GLT1D1: variants seen among roughly 807,000 people sequenced by gnomAD.
GLT1D1 encodes the protein glycosyltransferase 1 domain containing 1, also known as glycosyltransferase 1 domain-containing protein 1.
A neutral mutation model predicts 28.7 loss-of-function variants in GLT1D1; 21 were observed. The ratio of observed to expected loss-of-function variants is 0.73; its 90% confidence interval spans 0.52 to 1.05. The LOEUF (loss-of-function observed/expected upper bound fraction) is 1.05, where lower values mean the gene tolerates loss of function less well. Ranked by LOEUF, GLT1D1 falls within the 50% of genes least tolerant of loss-of-function variation. The pLI is 0.00. For synonymous variants in GLT1D1, 147 were observed against 124.8 expected (o/e 1.18, Z -1.19); for missense variants, 343 against 330.6 (o/e 1.04, Z -0.29).
chr12:128,908,280 A>C (rs1871093363), intron 4 of GLT1D1, among the ~76,000 whole-genome samples: 1 of 151,564 alleles, frequency 6.6e-6, no homozygotes, highest in African/African-American at 2.4e-5. Flanking sequence ...GTCTAGTTTC[A>C]ACATTTCTTT....
At chr12:128,853,848 C>T (rs1392846413) in intron 1 of GLT1D1, among the ~76,000 whole-genome samples, 199 bp downstream of exon 1, 2 of 152,104 alleles carry the variant, frequency 1.3e-5, no homozygotes, top group Non-Finnish European at 2.9e-5. Flanking sequence ...CGCGCGTGTC[C>T]CCGGGTCTCC....
At chr12:128,906,583 C>T (rs778565529) in intron 4 of GLT1D1, among the ~76,000 whole-genome samples, 1 of 152,112 alleles carries the variant, frequency 6.6e-6, no homozygotes, top group South Asian at 2.1e-4. Flanking sequence ...TTAAAAAATC[C>T]TGTTTGAGTA....
Position 128,890,969 on chromosome 12 carries a change from A to C in GLT1D1, c.323+2225A>C, listed in dbSNP as rs961837410. Among the ~76,000 whole-genome samples, 4 of 152,128 alleles carry C rather than the reference A, an allele frequency of 2.6e-5. No individual in the cohort carries two copies. The East Asian group carries it at 7.7e-4, about 29-fold the overall frequency. ...AGCTGAGATCGTGCCATTGCACTCC[A>C]GCCTGGGAGACAGAGCATGACTCCA... On this transcript the variant is annotated intron_variant, in intron 3 of 7. Transcript: ENST00000281703.
chr12:128,917,047 GT>G (rs1400426511), intron 4 of GLT1D1, among the ~76,000 whole-genome samples: 1 of 150,698 alleles, frequency 6.6e-6, no homozygotes, highest in Non-Finnish European at 1.5e-5. Context: ...GTAGGGATCT[GT>G]TTTTTTTTCT....
rs79317403 is a variant in GLT1D1 at position 128,914,983 on chromosome 12, C to T, written c.375+15696C>T. On this transcript the variant is annotated intron_variant, in intron 4 of 7. Coordinates refer to ENST00000281703, the MANE Select transcript of GLT1D1 (RefSeq NM_144669.3). ...TTTTAACTGGAATACCTTTCTTCAA[C>T]GCTCTGGTGAGACATGAGATCTTCT... The T allele has an allele frequency of 3.5e-3, 5,315 of 1,535,440 alleles. 18 individuals are homozygous for T. The highest frequency in any genetic ancestry group is 4.0e-3 in the Non-Finnish European group (4,567 of 1,146,328).
intron 2 of GLT1D1, among the ~76,000 whole-genome samples, chr12:128,878,480 G>A (rs1956925886): frequency 6.6e-6 from 1 of 152,160 alleles, no homozygotes; most frequent in East Asian, 1.9e-4. Context: ...ATATATTTGT[G>A]CTTCCATATT....
At chr12:128,858,243 C>A (rs1210114740) in intron 1 of GLT1D1, among the ~76,000 whole-genome samples, 2 of 152,106 alleles carry the variant, frequency 1.3e-5, no homozygotes, top group African/African-American at 4.8e-5. Flanking sequence ...TCGTGACTTA[C>A]CTTCCAGTCT....
In GLT1D1 at chr12:128,942,735, G is replaced by GTTT. The variant is rs1397894974; in HGVS notation, c.376-2590_376-2588dup. 6.0e-3 allele frequency among the ~76,000 whole-genome samples: 535 copies of GTTT among 89,206 alleles called. 85 individuals carry two copies. The highest frequency in any genetic ancestry group is 0.016 in the Middle Eastern group (3 of 184). The allele number at this position is 89,206 out of a possible 152,430, so 58.5% of individuals were successfully genotyped here. ...ATCACTTTAGATTCCAATTTTCTTT[G>GTTT]TTTGTTTGTTTTTGTTTTTTGTTTT... is the stretch of plus-strand genomic sequence containing the variant. On this transcript the variant is annotated intron_variant, in intron 4 of 7. Transcript: ENST00000281703.
intron 2 of GLT1D1, among the ~76,000 whole-genome samples, chr12:128,883,659 G>A (rs983631280): frequency 2.6e-5 from 4 of 151,378 alleles, no homozygotes; most frequent in Non-Finnish European, 2.9e-5. Flanking sequence ...TTTCTCAGCC[G>A]ATTACTGGGA....
chr12:128,873,281 C>A (rs1290297306), intron 1 of GLT1D1, among the ~76,000 whole-genome samples: 1 of 152,010 alleles, frequency 6.6e-6, no homozygotes, highest in Admixed American at 6.6e-5. Flanking sequence ...GTGTATATAC[C>A]CAAAAGTATT....
chr12:128,973,348 A>ATTTTT (rs369304204), intron 7 of GLT1D1, among the ~76,000 whole-genome samples: 5 of 118,868 alleles, frequency 4.2e-5, no homozygotes, highest in African/African-American at 9.7e-5. Flanking sequence ...ACACCTGGCT[A>ATTTTT]TTTTTTTTTT....
chr12:128,981,374 C>T lies in GLT1D1; in HGVS notation c.640-1555C>T, dbSNP rs138418608. 2.4e-4 allele frequency among the ~76,000 whole-genome samples: 37 copies of T among 152,206 alleles called. No homozygotes were observed. The East Asian group carries it at 5.2e-3, about 21-fold the overall frequency. On this transcript the variant is annotated intron_variant, in intron 7 of 7. Coordinates refer to ENST00000281703, the MANE Select transcript of GLT1D1 (RefSeq NM_144669.3). Reference sequence around the variant, plus strand: ...GGTTGGGTTTCCACCAAAGTCTCCACGTCAGATAAATCAAAGATATGACCA... The same window carrying T: ...GGTTGGGTTTCCACCAAAGTCTCCATGTCAGATAAATCAAAGATATGACCA...
At chr12:128,902,497 A>AG (rs906305218) in intron 4 of GLT1D1, among the ~76,000 whole-genome samples, 1 of 150,998 alleles carries the variant, frequency 6.6e-6, no homozygotes, top group South Asian at 2.1e-4. Flanking sequence ...AAAAAAAAAA[A>AG]AAAGAAAGAA....
At position 128,865,896 on chromosome 12, in the gene GLT1D1, A is replaced by G. The variant is rs1956500916; in HGVS notation, c.69-10018A>G. Among the ~76,000 whole-genome samples, 3 of 152,120 alleles carry G rather than the reference A, an allele frequency of 2.0e-5. No homozygotes were observed. In the South Asian group the frequency reaches 6.2e-4, roughly 31 times the overall value. On this transcript the variant is annotated intron_variant, in intron 1 of 7. Transcript: ENST00000281703. ...CCAAAACCCCAAACAATACAGCAGA[A>G]CAACTATTGAATAGCATTTCCATTG...
At chr12:128,902,952 G>A (rs1870450428) in intron 4 of GLT1D1, among the ~76,000 whole-genome samples, 1 of 150,268 alleles carries the variant, frequency 6.7e-6, no homozygotes, top group Non-Finnish European at 1.5e-5. Flanking sequence ...GCTGAGGCAA[G>A]AGAATTGCTT....
At chr12:128,871,609 G>C (rs912183698) in intron 1 of GLT1D1, among the ~76,000 whole-genome samples, 1 of 151,552 alleles carries the variant, frequency 6.6e-6, no homozygotes, top group East Asian at 1.9e-4. Flanking sequence ...ATATGCCCCA[G>C]GGTCAGACGA....
At chr12:128,890,538 CT>C (rs1868923093) in intron 3 of GLT1D1, among the ~76,000 whole-genome samples, 2 of 152,068 alleles carry the variant, frequency 1.3e-5, no homozygotes, top group African/African-American at 4.8e-5. Context: ...AATCCCAGCA[CT>C]TTGGGAGGCC....
In GLT1D1 at chr12:128,864,274, C is replaced by T. The variant is rs919126574; in HGVS notation, c.68+10625C>T. On this transcript the variant is annotated intron_variant, in intron 1 of 7. Coordinates refer to ENST00000281703, the MANE Select transcript of GLT1D1 (RefSeq NM_144669.3). Reference sequence around the variant, plus strand: ...GAAGCTGAGTGTGGGATGAAGTTTGCTTAGTCCTGCACTAGGGGTGGGGCA... The same window carrying T: ...GAAGCTGAGTGTGGGATGAAGTTTGTTTAGTCCTGCACTAGGGGTGGGGCA... 13 of 525,146 alleles carry T rather than the reference C, an allele frequency of 2.5e-5. No individual in the cohort carries two copies. The Admixed American group carries it at 4.0e-4, about 16-fold the overall frequency. 32.5% of individuals were successfully genotyped at this position (525,146 alleles called of 1,614,324 possible). A position where few individuals can be genotyped will look rare whatever the true frequency, so the allele number is the denominator to read the frequency against.
chr12:128,917,435 C>G (rs1478086321), intron 4 of GLT1D1, among the ~76,000 whole-genome samples: 1 of 152,150 alleles, frequency 6.6e-6, no homozygotes. Flanking sequence ...CCCACCACAC[C>G]TGGCTAATTT....
Sources: allele counts gnomAD v4.1 joint callset (sites outside exome capture counted in the v4.1 genomes callset), GRCh38; gene constraint gnomAD v4.1.1; transcripts MANE v1.5; gene names NCBI Gene and HGNC (gene_info 2026-07-23, HGNC 2026-07-21).